SIPA1L1: variants seen among roughly 807,000 people sequenced by gnomAD.
SIPA1L1 encodes signal-induced proliferation-associated 1-like protein 1.
A neutral mutation model predicts 162.7 loss-of-function variants in SIPA1L1; 26 were observed. That is an observed-to-expected ratio of 0.16 (90% CI 0.12 to 0.22). The LOEUF (loss-of-function observed/expected upper bound fraction) is 0.22. Ranked by LOEUF, SIPA1L1 falls within the 10% of genes least tolerant of loss-of-function variation. The pLI is 1.00. For missense variants in SIPA1L1, 1,874 were observed against 2,241.0 expected, an observed-to-expected ratio of 0.84 and a Z score of 3.31; for synonymous variants, 829 against 837.4, an observed-to-expected ratio of 0.99 and a Z score of 0.17.
In SIPA1L1 at chr14:71,559,136, C is replaced by G. The variant is rs996704743; in HGVS notation, c.-302-28435C>G. On this transcript the variant is annotated intron_variant, in intron 4 of 23. Coordinates refer to ENST00000381232, the MANE Select transcript of SIPA1L1 (RefSeq NM_001386936.1). ...AGGCTGGAGTGCAGTGGCGCTATCTCAGCTCATTGCAACCTCCGCCTCCCT... is the reference window on the plus strand; with the variant it reads ...AGGCTGGAGTGCAGTGGCGCTATCTGAGCTCATTGCAACCTCCGCCTCCCT... Among the ~76,000 whole-genome samples the G allele has an allele frequency of 9.3e-5, 14 of 151,058 alleles. 1 individual carries two copies. The highest frequency in any genetic ancestry group is 3.4e-3 in the Middle Eastern group (1 of 292).
chr14:71,328,515 AT>A (rs2034099238), intron 2 of SIPA1L1, among the ~76,000 whole-genome samples: 1 of 152,180 alleles, frequency 6.6e-6, no homozygotes, highest in Admixed American at 6.5e-5. Context: ...TAATTTTTAG[AT>A]CTATGCTTGA....
At chr14:71,521,739 A>G (rs1265306424) in intron 3 of SIPA1L1, among the ~76,000 whole-genome samples, 5 of 152,188 alleles carry the variant, frequency 3.3e-5, no homozygotes, top group Admixed American at 3.3e-4. Context: ...AGATGCTGCC[A>G]GTTTTCCAAA....
At chr14:71,600,903 T>C (rs565381968) in intron 5 of SIPA1L1, among the ~76,000 whole-genome samples, 25 of 152,326 alleles carry the variant, frequency 1.6e-4, no homozygotes, top group South Asian at 1.0e-3. Flanking sequence ...TAATTCGTTA[T>C]TGGTGTAAAG....
intron 2 of SIPA1L1, among the ~76,000 whole-genome samples, chr14:71,365,730 A>ATTT: frequency 7.1e-6 from 1 of 140,542 alleles, no homozygotes; most frequent in African/African-American, 2.6e-5. Context: ...GCTATTAAGT[A>ATTT]TTTTTTTTTT....
chr14:71,731,606 G>A (rs1315382542), intron 20 of SIPA1L1, among the ~76,000 whole-genome samples: 2 of 152,172 alleles, frequency 1.3e-5, no homozygotes, highest in African/African-American at 4.8e-5. Flanking sequence ...TGCCTTTGCA[G>A]TGTAAAGGTA....
At chr14:71,570,392 C>T (rs2146963748) in intron 4 of SIPA1L1, among the ~76,000 whole-genome samples, 1 of 152,180 alleles carries the variant, frequency 6.6e-6, no homozygotes, top group East Asian at 1.9e-4. Flanking sequence ...CACACCTCAG[C>T]CTCTCAGGTA....
chr14:71,529,223 A>G (rs2053198879), intron 3 of SIPA1L1, 89 bp from the exon 4 acceptor site: 2 of 425,156 alleles, frequency 4.7e-6, no homozygotes, highest in Non-Finnish European at 8.3e-6. Context: ...TCTAGAACAA[A>G]GATAAGACCT....
At chr14:71,355,609 A>G (rs1192030806) in intron 2 of SIPA1L1, among the ~76,000 whole-genome samples, 2 of 152,212 alleles carry the variant, frequency 1.3e-5, no homozygotes, top group East Asian at 3.8e-4. Flanking sequence ...CTCTTCTCAA[A>G]TATCTTGCCA....
intron 2 of SIPA1L1, among the ~76,000 whole-genome samples, chr14:71,365,489 G>A (rs1387618961): frequency 6.6e-6 from 1 of 152,058 alleles, no homozygotes; most frequent in African/African-American, 2.4e-5. Context: ...CCTTTGTGTC[G>A]TCTGTGTGCC....
intron 7 of SIPA1L1, among the ~76,000 whole-genome samples, chr14:71,632,452 TAAC>T (rs1018879946): frequency 2.0e-5 from 3 of 152,020 alleles, no homozygotes; most frequent in Non-Finnish European, 4.4e-5. Flanking sequence ...AAAAAGAAGC[TAAC>T]AACAACAACA....
rs778856370 is a variant in SIPA1L1, at chr14:71,723,809, C to T, written c.4371C>T (p.Gly1457=). The T allele has an allele frequency of 1.2e-5, 19 of 1,614,070 alleles. No individual in the cohort carries two copies. The highest frequency in any genetic ancestry group is 2.2e-5 in the East Asian group (1 of 44,888). Residue 1457 remains glycine (G), a synonymous_variant, in exon 18 of 24, where the codon GGC becomes GGT. Transcript: ENST00000381232. ...SGPRSFYPRQ[G]ATSKYLIGWK... ...CTAGGAGTTTTTACCCTCGCCAGGG[C>T]GCTACTAGCAAGTACCTGATTGGAT...
intron 2 of SIPA1L1, among the ~76,000 whole-genome samples, chr14:71,491,177 A>G (rs749045975): frequency 5.9e-5 from 9 of 152,238 alleles, no homozygotes; most frequent in Non-Finnish European, 1.2e-4. Context: ...TTGATTTTCA[A>G]GAGTCTCTTT....
At chr14:71,623,788 T>G (rs3784062) in intron 6 of SIPA1L1, among the ~76,000 whole-genome samples, 127,323 of 152,168 alleles carry the variant, frequency 0.84, 53,865 homozygotes, top group African/African-American at 0.95. Flanking sequence ...TGTTATTTTT[T>G]GTCTTTAAAT....
chr14:71,540,839 CAT>C (rs2054314459), intron 4 of SIPA1L1, among the ~76,000 whole-genome samples: 1 of 148,424 alleles, frequency 6.7e-6, no homozygotes, highest in East Asian at 3.2e-4. Flanking sequence ...AGAACTTATT[CAT>C]GCTGGCTGGG....
intron 2 of SIPA1L1, among the ~76,000 whole-genome samples, chr14:71,462,145 G>C (rs1211444436): frequency 1.3e-5 from 2 of 152,226 alleles, no homozygotes; most frequent in African/African-American, 4.8e-5. Context: ...GTGACTTGAT[G>C]ACCCATAGTC....
chr14:71,609,778 G>A (rs990225852), intron 5 of SIPA1L1, among the ~76,000 whole-genome samples: 3 of 151,918 alleles, frequency 2.0e-5, no homozygotes, highest in East Asian at 1.9e-4. Flanking sequence ...ATTCTTTGTA[G>A]TGATGGTGTC....
intron 12 of SIPA1L1, among the ~76,000 whole-genome samples, chr14:71,682,693 A>G (rs1196230940): frequency 6.6e-6 from 1 of 152,256 alleles, no homozygotes; most frequent in Non-Finnish European, 1.5e-5. Context: ...TTTTCATACT[A>G]AATGTTAAGC....
At chr14:71,382,415 C>T (rs2039978328) in intron 2 of SIPA1L1, among the ~76,000 whole-genome samples, 1 of 152,100 alleles carries the variant, frequency 6.6e-6, no homozygotes. Flanking sequence ...AAACTTTGTC[C>T]CACCTTTTGT....
At chr14:71,392,700 TG>T (rs1341005525) in intron 2 of SIPA1L1, among the ~76,000 whole-genome samples, 1 of 151,726 alleles carries the variant, frequency 6.6e-6, no homozygotes, top group Non-Finnish European at 1.5e-5. Context: ...GCTAATTTTT[TG>T]TATTTTTTTT....
Sources: allele counts gnomAD v4.1 joint callset (sites outside exome capture counted in the v4.1 genomes callset), GRCh38; gene constraint gnomAD v4.1.1; transcripts MANE v1.5; gene names NCBI Gene and HGNC (gene_info 2026-07-23, HGNC 2026-07-21).